The following AGPAT4 variants were observed in gnomAD, a reference collection of about 807,000 sequenced individuals.
AGPAT4 encodes the protein 1-acyl-sn-glycerol-3-phosphate acyltransferase delta.
Under a neutral mutation model 48.0 loss-of-function variants are expected in AGPAT4, and 15 were observed. That is an observed-to-expected ratio of 0.31 (90% CI 0.21 to 0.48). The LOEUF is 0.48. Ranked by LOEUF, AGPAT4 falls within the 20% of genes least tolerant of loss-of-function variation. The pLI, the probability that AGPAT4 is intolerant of heterozygous loss-of-function variation, is 0.99. For missense variants in AGPAT4, 314 were observed against 482.5 expected, an observed-to-expected ratio of 0.65 and a Z score of 3.27; for synonymous variants, 178 against 198.7, an observed-to-expected ratio of 0.90 and a Z score of 0.88.
Position 161,235,130 on chromosome 6 carries a change from C to T in AGPAT4, c.-89-2828G>A, listed in dbSNP as rs1782238833. 6.6e-6 allele frequency among the ~76,000 whole-genome samples: 1 copy of T among 152,036 alleles called. No individual in the cohort carries two copies. The highest frequency in any genetic ancestry group is 2.1e-4 in the South Asian group (1 of 4,800). On this transcript the variant is annotated intron_variant, in intron 1 of 8. Coordinates refer to ENST00000320285, the MANE Select transcript of AGPAT4 (RefSeq NM_020133.3). The surrounding 1 kb of genome is among the most constrained non-coding windows in gnomAD (Gnocchi z 6.2). ...CATGTGGGCTTGAGAGTTCAACTGC[C>T]CAAGTTTGCAGCTCTGCCCTGTCTC...
rs200715060 is a variant in AGPAT4 at position 161,161,257 on chromosome 6, G to GC, written c.348+4990dup. ...CGTGGGACCGGACTTTTACAGATGAGCATGCGCTCCCACCTCCAGGATGGT... is the reference window on the plus strand; with the variant it reads ...CGTGGGACCGGACTTTTACAGATGAGCCATGCGCTCCCACCTCCAGGATGGT... On this transcript the variant is annotated intron_variant, in intron 3 of 8. Coordinates refer to ENST00000320285, the MANE Select transcript of AGPAT4 (RefSeq NM_020133.3). This position sits in a 1 kb window ranked among gnomAD's most constrained non-coding sequence, Gnocchi z 4.6. 0.014 allele frequency: 6,216 copies of GC among 456,742 alleles called. 72 individuals carry two copies. The highest frequency in any genetic ancestry group is 0.025 in the South Asian group (1,601 of 64,564). 28.3% of individuals were successfully genotyped at this position (456,742 alleles called of 1,614,324 possible). A position where few individuals can be genotyped will look rare whatever the true frequency, so the allele number is the denominator to read the frequency against.
rs1779205650 is a variant in AGPAT4, at chr6:161,140,170, C to T, written c.844-550G>A. On this transcript the variant is annotated intron_variant, in intron 7 of 8. Transcript: ENST00000320285. The surrounding 1 kb of genome is among the most constrained non-coding windows in gnomAD (Gnocchi z 6.5). ...CCACCCGCACCTACCACCCTGTTTG[C>T]CACTGGAGGGCTCTGAGGGCCGTGA... Among the ~76,000 whole-genome samples the T allele has an allele frequency of 6.6e-6, 1 of 152,224 alleles. No individual in the cohort carries two copies. The highest frequency in any genetic ancestry group is 2.1e-4 in the South Asian group (1 of 4,832).
chr6:161,176,654 T>C (rs541119060), intron 2 of AGPAT4, among the ~76,000 whole-genome samples: 2 of 152,272 alleles, frequency 1.3e-5, no homozygotes, highest in Admixed American at 6.5e-5. Flanking sequence ...AAGGTTAATA[T>C]TGTTATGTGT....
Position 161,153,340 on chromosome 6 carries a change from C to T in AGPAT4, c.664+6G>A. 1 of 1,604,690 alleles carries T rather than the reference C, an allele frequency of 6.2e-7. No individual in the cohort carries two copies. Among genetic ancestry groups the T allele is most frequent in the Non-Finnish European group, 8.5e-7 (1 of 1,175,338 alleles). The stretch of plus-strand genomic sequence containing the variant: ...GGGAGGCCCAGGGCCACGCACTCTT[C>T]CTTACCTACATTTCTCAAGCTCCTC... On this transcript the variant is annotated splice_donor_region_variant and intron_variant, in intron 5 of 8. Transcript: ENST00000320285.
Position 161,214,646 on chromosome 6 carries a change from G to C in AGPAT4, c.178+17390C>G, listed in dbSNP as rs1443547024. Among the ~76,000 whole-genome samples, 1 of 152,194 alleles carries C rather than the reference G, an allele frequency of 6.6e-6. No individual in the cohort carries two copies. The highest frequency in any genetic ancestry group is 1.5e-5 in the Non-Finnish European group (1 of 68,040). On this transcript the variant is annotated intron_variant, in intron 2 of 8. Transcript: ENST00000320285. This position sits in a 1 kb window ranked among gnomAD's most constrained non-coding sequence, Gnocchi z 5.4. ...TAGCTGGGCATGGTGGCACACACCT[G>C]TAGTCCCAGCTACTCGGGAGGCTGA...
rs1413014291 is a variant in AGPAT4 at position 161,149,229 on chromosome 6, C to T, written c.725G>A (p.Gly242Glu). 9 of 1,613,494 alleles carry T rather than the reference C, an allele frequency of 5.6e-6. No homozygotes were observed. Among genetic ancestry groups the T allele is most frequent in the South Asian group, 2.2e-5 (2 of 91,016 alleles). Reference sequence around the variant, plus strand: ...ATGGTATTTCTTTCCGTTTAGGACTCCCAGCAGTGTTGGATTTTCATTATT... The same window carrying T: ...ATGGTATTTCTTTCCGTTTAGGACTTCCAGCAGTGTTGGATTTTCATTATT... The part of the protein sequence containing the change: ...FRNNENPTLL[G>E]VLNGKKYHAD... The change falls in exon 6 of 9, where the codon GGA becomes GAA. Residue 242 changes from glycine to glutamate, a missense_variant. Transcript: ENST00000320285. This position sits in a 1 kb window ranked among gnomAD's most constrained non-coding sequence, Gnocchi z 6.5.
In AGPAT4 at chr6:161,143,808, C is replaced by A. The variant is rs1029998143; in HGVS notation, c.843+2716G>T. On this transcript the variant is annotated intron_variant, in intron 7 of 8. Transcript: ENST00000320285. The surrounding 1 kb of genome is among the most constrained non-coding windows in gnomAD (Gnocchi z 4.7). Reference sequence around the variant, plus strand: ...TGTGTCAGTGGTAGATGGCGAGTTTCTCTTTATTTATGTCCATGCTTGGAA... The same window carrying A: ...TGTGTCAGTGGTAGATGGCGAGTTTATCTTTATTTATGTCCATGCTTGGAA... 49 of 222,586 alleles carry A rather than the reference C, an allele frequency of 2.2e-4. No homozygotes were observed. The highest frequency in any genetic ancestry group is 9.2e-4 in the African/African-American group (40 of 43,410). 13.8% of individuals were successfully genotyped at this position (222,586 alleles called of 1,614,324 possible).
chr6:161,154,460 A>G lies in AGPAT4; in HGVS notation c.349-150T>C, dbSNP rs911492268. On this transcript the variant is annotated intron_variant, in intron 3 of 8. Coordinates refer to ENST00000320285, the MANE Select transcript of AGPAT4 (RefSeq NM_020133.3). The surrounding 1 kb of genome is among the most constrained non-coding windows in gnomAD (Gnocchi z 7.8). ...AGAACACATGCTGTCGAGGCCATGG[A>G]CCCTGGTGCCCTCCCCACCTTTCAG... The G allele has an allele frequency of 4.6e-6, 4 of 878,538 alleles. No individual in the cohort carries two copies. The highest frequency in any genetic ancestry group is 6.8e-6 in the Non-Finnish European group (4 of 588,970). The allele number at this position is 878,538 out of a possible 1,614,324, so 54.4% of individuals were successfully genotyped here.
At position 161,242,094 on chromosome 6, in the gene AGPAT4, T is replaced by C. The variant is rs1299711034; in HGVS notation, c.-89-9792A>G. Among the ~76,000 whole-genome samples the C allele has an allele frequency of 6.6e-6, 1 of 152,170 alleles. No individual in the cohort carries two copies. The highest frequency in any genetic ancestry group is 1.5e-5 in the Non-Finnish European group (1 of 68,020). On this transcript the variant is annotated intron_variant, in intron 1 of 8. Coordinates refer to ENST00000320285, the MANE Select transcript of AGPAT4 (RefSeq NM_020133.3). The surrounding 1 kb of genome is among the most constrained non-coding windows in gnomAD (Gnocchi z 5.0). ...ATCATAACCAGTGCAGCAGCATCAGTATAAAAAATGTTTAGCATATATTAT... is the reference window on the plus strand; with the variant it reads ...ATCATAACCAGTGCAGCAGCATCAGCATAAAAAATGTTTAGCATATATTAT...
rs74377698 is a variant in AGPAT4 at position 161,197,761 on chromosome 6, A to C, written c.179-31344T>G. 8.0e-3 allele frequency among the ~76,000 whole-genome samples: 1,224 copies of C among 152,282 alleles called. 19 individuals carry two copies. The highest frequency in any genetic ancestry group is 0.028 in the African/African-American group (1,179 of 41,544). On this transcript the variant is annotated intron_variant, in intron 2 of 8. Coordinates refer to ENST00000320285, the MANE Select transcript of AGPAT4 (RefSeq NM_020133.3). The surrounding 1 kb of genome is among the most constrained non-coding windows in gnomAD (Gnocchi z 5.7). ...TGGCCTAGCCCCAGGGAGGTCACCC[A>C]CAGAGGGCACCCAGGAGAGTTAAGT...
In AGPAT4 at chr6:161,136,648, GAGAGC is replaced by G; in HGVS notation, c.1043-19_1043-15del. ...CTCCCACGGAGGCTGCAGAGACAAG[GAGAGC>G]AGAGTTAGGAGTAGCCCAAACAGAC... On this transcript the variant is annotated splice_polypyrimidine_tract_variant and intron_variant, in intron 8 of 8. Transcript: ENST00000320285. 6.2e-7 allele frequency: 1 copy of G among 1,612,704 alleles called. No homozygotes were observed. The highest frequency in any genetic ancestry group is 8.5e-7 in the Non-Finnish European group (1 of 1,178,736).
intron 8 of AGPAT4, 83 bp from the exon 9 acceptor site, chr6:161,136,717 G>T: frequency 1.6e-6 from 2 of 1,222,778 alleles, no homozygotes; most frequent in Non-Finnish European, 1.2e-6. Flanking sequence ...GAGAAGGCCC[G>T]TGGCCGCAAA....
intron 1 of AGPAT4, among the ~76,000 whole-genome samples, chr6:161,269,924 A>G (rs1187472609): frequency 6.6e-6 from 1 of 152,196 alleles, no homozygotes; most frequent in Non-Finnish European, 1.5e-5. Flanking sequence ...AGCAAATTAG[A>G]TCGGAGAAAC....
At position 161,149,205 on chromosome 6, in the gene AGPAT4, T is replaced by C. The variant is rs1222775717; in HGVS notation, c.749A>G (p.His250Arg). The part of the protein sequence containing the change: ...LLGVLNGKKY[H>R]ADLYVRRIPL... The stretch of plus-strand genomic sequence containing the variant: ...GACTTACCTAACATACAAATCTGCA[T>C]GGTATTTCTTTCCGTTTAGGACTCC... Residue 250 changes from histidine to arginine, a missense_variant, in exon 6 of 9, where the codon CAT (histidine) becomes CGT (arginine). Transcript: ENST00000320285. This position sits in a 1 kb window ranked among gnomAD's most constrained non-coding sequence, Gnocchi z 6.5. 2.5e-6 allele frequency: 4 copies of C among 1,613,030 alleles called. No homozygotes were observed. The highest frequency in any genetic ancestry group is 1.3e-5 in the African/African-American group (1 of 75,042).
In AGPAT4 at chr6:161,171,784, C is replaced by G. The variant is rs930742592; in HGVS notation, c.179-5367G>C. Among the ~76,000 whole-genome samples the G allele has an allele frequency of 2.0e-5, 3 of 151,932 alleles. No individual in the cohort carries two copies. The highest frequency in any genetic ancestry group is 2.9e-5 in the Non-Finnish European group (2 of 68,004). On this transcript the variant is annotated intron_variant, in intron 2 of 8. Transcript: ENST00000320285. The surrounding 1 kb of genome is among the most constrained non-coding windows in gnomAD (Gnocchi z 4.4). ...GCGTGGTGGCAGGCACCTGTAGTCC[C>G]AGCTACTCGGGAGTCTGAGGCAGGA...
In AGPAT4 at chr6:161,215,332, C is replaced by T. The variant is rs1383415807; in HGVS notation, c.178+16704G>A. ...GAAAATGTTTACACATCCCAGCGGA[C>T]ATATTTGTGCTGAATCTCAAGGTTT... is the stretch of plus-strand genomic sequence containing the variant. On this transcript the variant is annotated intron_variant, in intron 2 of 8. Coordinates refer to ENST00000320285, the MANE Select transcript of AGPAT4 (RefSeq NM_020133.3). This position sits in a 1 kb window ranked among gnomAD's most constrained non-coding sequence, Gnocchi z 4.5. Among the ~76,000 whole-genome samples, 2 of 152,210 alleles carry T rather than the reference C, an allele frequency of 1.3e-5. No homozygotes were observed. Among genetic ancestry groups the T allele is most frequent in the African/African-American group, 4.8e-5 (2 of 41,452 alleles).
At position 161,226,740 on chromosome 6, in the gene AGPAT4, T is replaced by C. The variant is rs1396098339; in HGVS notation, c.178+5296A>G. 6.6e-6 allele frequency among the ~76,000 whole-genome samples: 1 copy of C among 151,330 alleles called. No individual in the cohort carries two copies. The highest frequency in any genetic ancestry group is 2.4e-5 in the African/African-American group (1 of 41,210). On this transcript the variant is annotated intron_variant, in intron 2 of 8. Coordinates refer to ENST00000320285, the MANE Select transcript of AGPAT4 (RefSeq NM_020133.3). This position sits in a 1 kb window ranked among gnomAD's most constrained non-coding sequence, Gnocchi z 6.3. ...GTGGCCAGGATTCCCCACAGAGAGG[T>C]TACCATAGAGGAGGCTCCTGAGAGG...
Position 161,215,643 on chromosome 6 carries a change from T to C in AGPAT4, c.178+16393A>G, listed in dbSNP as rs1781625896. On this transcript the variant is annotated intron_variant, in intron 2 of 8. Coordinates refer to ENST00000320285, the MANE Select transcript of AGPAT4 (RefSeq NM_020133.3). This position sits in a 1 kb window ranked among gnomAD's most constrained non-coding sequence, Gnocchi z 4.5. ...GCCTAGCACATGCTTGAAACACTGA[T>C]ATCCTTGCAGTGGCTGAGGGGTATA... 6.6e-6 allele frequency among the ~76,000 whole-genome samples: 1 copy of C among 151,560 alleles called. No individual in the cohort carries two copies. Among genetic ancestry groups the C allele is most frequent in the African/African-American group, 2.4e-5 (1 of 41,190 alleles).
rs1407955555 is a variant in AGPAT4 at position 161,243,450 on chromosome 6, G to GGCCATCCT, written c.-89-11156_-89-11149dup. On this transcript the variant is annotated intron_variant, in intron 1 of 8. Transcript: ENST00000320285. The surrounding 1 kb of genome is among the most constrained non-coding windows in gnomAD (Gnocchi z 4.8). ...GACTGGCAGCTCACGTCAGAGCCTC[G>GGCCATCCT]GCCATCCTGCGCACTTGGCCCACCA... Among the ~76,000 whole-genome samples the GGCCATCCT allele has an allele frequency of 6.6e-6, 1 of 152,076 alleles. No homozygotes were observed. Among genetic ancestry groups the GGCCATCCT allele is most frequent in the African/African-American group, 2.4e-5 (1 of 41,410 alleles).
Sources: allele counts gnomAD v4.1 joint callset (sites outside exome capture counted in the v4.1 genomes callset), GRCh38; gene constraint gnomAD v4.1.1; non-coding constraint Gnocchi (gnomAD v3.1); transcripts MANE v1.5; gene names NCBI Gene and HGNC (gene_info 2026-07-23, HGNC 2026-07-21).